Variants in ASTN2 observed in about 807,000 individuals in gnomAD.
ASTN2 encodes the protein astrotactin-2.
ASTN2 carries 54 observed loss-of-function variants against 139.8 expected under a neutral mutation model. The observed-to-expected ratio is 0.39, with a 90% CI of 0.31 to 0.48. The LOEUF is 0.48. Ranked by LOEUF, ASTN2 falls within the 20% of genes least tolerant of loss-of-function variation. ASTN2 has a pLI of 0.95. For missense variants in ASTN2, 1,565 were observed against 1,725.1 expected (o/e 0.91, Z 1.64); for synonymous variants, 756 against 719.5 (o/e 1.05, Z -0.81).
intron 10 of ASTN2, among the ~76,000 whole-genome samples, chr9:116,952,494 T>C (rs966270494): frequency 6.6e-6 from 1 of 152,282 alleles, no homozygotes; most frequent in African/African-American, 2.4e-5. Flanking sequence ...AGCATCTGGC[T>C]CTCAATTTCC....
At chr9:116,935,994 T>C (rs1003582116) in intron 10 of ASTN2, among the ~76,000 whole-genome samples, 1 of 114,608 alleles carries the variant, frequency 8.7e-6, no homozygotes, top group African/African-American at 3.3e-5. Context: ...ATGGCAGACC[T>C]GGGATTTGAT....
At chr9:116,548,206 G>A (rs1852188137) in intron 19 of ASTN2, among the ~76,000 whole-genome samples, 1 of 152,198 alleles carries the variant, frequency 6.6e-6, no homozygotes, top group Non-Finnish European at 1.5e-5. Flanking sequence ...CTGGCAGTCA[G>A]GAGGCTGCCC....
intron 10 of ASTN2, among the ~76,000 whole-genome samples, chr9:116,908,025 T>C (rs1834212730): frequency 6.6e-6 from 1 of 152,116 alleles, no homozygotes; most frequent in African/African-American, 2.4e-5. Flanking sequence ...CCCCTCACAT[T>C]TTGAGAGGCA....
chr9:116,665,685 T>C (rs1858819444), intron 16 of ASTN2, among the ~76,000 whole-genome samples: 1 of 152,152 alleles, frequency 6.6e-6, no homozygotes, highest in Non-Finnish European at 1.5e-5. Context: ...TCAGGACTAA[T>C]GAAGTCATTT....
At chr9:116,454,101 G>C (rs1487552198) in intron 20 of ASTN2, among the ~76,000 whole-genome samples, 2 of 152,194 alleles carry the variant, frequency 1.3e-5, no homozygotes, top group Non-Finnish European at 2.9e-5. Context: ...TCTTCTGCAA[G>C]CTCTTCCAAC....
intron 19 of ASTN2, among the ~76,000 whole-genome samples, chr9:116,603,890 C>A (rs1011313803): frequency 6.6e-6 from 1 of 152,134 alleles, no homozygotes; most frequent in Admixed American, 6.5e-5. Flanking sequence ...GATCTCCAGG[C>A]GAGGGGTTGA....
chr9:116,602,998 G>C (rs779248509), intron 19 of ASTN2, among the ~76,000 whole-genome samples: 25 of 152,184 alleles, frequency 1.6e-4, no homozygotes, highest in Non-Finnish European at 3.1e-4. Flanking sequence ...AGCATGAAGA[G>C]TCCAGTTAAC....
At chr9:116,612,662 T>C (rs1296717364) in intron 19 of ASTN2, 1 of 152,140 alleles carries the variant, frequency 6.6e-6, no homozygotes, top group African/African-American at 2.4e-5. Context: ...AAGATGTTCT[T>C]TGAAACCAAT....
chr9:117,254,939 G>T (rs914562523), intron 2 of ASTN2, among the ~76,000 whole-genome samples: 2 of 152,118 alleles, frequency 1.3e-5, no homozygotes, highest in African/African-American at 4.8e-5. Context: ...TTATTAAATT[G>T]TTTCAACCCA....
intron 7 of ASTN2, among the ~76,000 whole-genome samples, chr9:117,007,842 C>T (rs1240955351): frequency 6.6e-6 from 1 of 152,022 alleles, no homozygotes; most frequent in Admixed American, 6.6e-5. Context: ...AGACATTTTG[C>T]TTGTCTGGAG....
intron 13 of ASTN2, among the ~76,000 whole-genome samples, chr9:116,779,119 T>G (rs980366831): frequency 2.1e-5 from 3 of 141,448 alleles, no homozygotes; most frequent in African/African-American, 7.8e-5. Context: ...TCTCCCCATA[T>G]CTCTGTGTGC....
At chr9:116,463,883 C>T (rs1389330713) in intron 20 of ASTN2, among the ~76,000 whole-genome samples, 2 of 150,532 alleles carry the variant, frequency 1.3e-5, no homozygotes, top group Admixed American at 1.3e-4. Context: ...ATCACAGGTG[C>T]ATGCCACCAT....
intron 16 of ASTN2, among the ~76,000 whole-genome samples, chr9:116,711,210 C>T (rs1360976954): frequency 1.3e-5 from 2 of 152,202 alleles, no homozygotes. Flanking sequence ...CCTATTTATT[C>T]TCCTCAATGA....
chr9:116,934,801 C>G (rs1369856170), intron 10 of ASTN2, among the ~76,000 whole-genome samples: 3 of 152,148 alleles, frequency 2.0e-5, no homozygotes, highest in Non-Finnish European at 4.4e-5. Flanking sequence ...TCATTTAGCT[C>G]CACTGTCTGA....
At chr9:117,181,053 A>G (rs998590077) in intron 3 of ASTN2, 33 of 1,462,368 alleles carry the variant, frequency 2.3e-5, no homozygotes, top group Non-Finnish European at 3.1e-5. Flanking sequence ...AAACATAAAC[A>G]TACATCTGAA....
At chr9:116,561,708 C>T in intron 19 of ASTN2, among the ~76,000 whole-genome samples, 1 of 152,186 alleles carries the variant, frequency 6.6e-6, no homozygotes, top group East Asian at 1.9e-4. Flanking sequence ...CTATGAGTAT[C>T]AAGCTGCATC....
intron 1 of ASTN2, among the ~76,000 whole-genome samples, chr9:117,298,652 G>A (rs913695199): frequency 8.1e-6 from 1 of 123,752 alleles, no homozygotes; most frequent in Non-Finnish European, 1.7e-5. Context: ...CTGTCTTGGT[G>A]TGTGTATATA....
At chr9:117,142,083 A>G (rs945183486) in intron 3 of ASTN2, among the ~76,000 whole-genome samples, 1 of 152,224 alleles carries the variant, frequency 6.6e-6, no homozygotes, top group African/African-American at 2.4e-5. Context: ...ATGCTTGAGC[A>G]TTGGAAAGTA....
intron 10 of ASTN2, among the ~76,000 whole-genome samples, chr9:116,956,827 T>C (rs1835722208): frequency 6.6e-6 from 1 of 152,312 alleles, no homozygotes; most frequent in South Asian, 2.1e-4. Flanking sequence ...TTTCATTTAC[T>C]GTAGCACCAA....
Sources: allele counts gnomAD v4.1 joint callset (sites outside exome capture counted in the v4.1 genomes callset), GRCh38; gene constraint gnomAD v4.1.1; transcripts MANE v1.5; gene names NCBI Gene and HGNC (gene_info 2026-07-23, HGNC 2026-07-21).